Variants in PCDHGA2 observed in about 807,000 individuals in gnomAD.
PCDHGA2 encodes protocadherin gamma-A2.
A neutral mutation model predicts 59.2 loss-of-function variants in PCDHGA2; 40 were observed. The observed-to-expected ratio is 0.68, with a 90% CI of 0.52 to 0.88. PCDHGA2 has a LOEUF of 0.88. Ranked by LOEUF, PCDHGA2 falls within the 40% of genes least tolerant of loss-of-function variation. The pLI is 0.00. For missense variants in PCDHGA2, 1,226 were observed against 1,204.0 expected (o/e 1.02, Z -0.27); for synonymous variants, 560 against 526.0 (o/e 1.06, Z -0.89).
chr5:141,375,333 T>C, intron 1 of PCDHGA2: 1 of 1,613,828 alleles, frequency 6.2e-7, no homozygotes, highest in East Asian at 2.2e-5. Flanking sequence ...GAGGTATTCT[T>C]GTACAACATC....
At chr5:141,375,076 G>C in intron 1 of PCDHGA2, 1 of 1,614,010 alleles carries the variant, frequency 6.2e-7, no homozygotes, top group Non-Finnish European at 8.5e-7. Context: ...GAGACAGAGC[G>C]AAAGTCTTAA....
At chr5:141,404,387 C>G in intron 1 of PCDHGA2, 3 of 1,613,874 alleles carry the variant, frequency 1.9e-6, no homozygotes, top group Non-Finnish European at 2.5e-6. Context: ...TGCCTATGAC[C>G]CTGATAGCAA....
chr5:141,371,529 A>G lies in PCDHGA2; in HGVS notation c.2424+30134A>G, dbSNP rs200031435. The G allele has an allele frequency of 3.3e-4, 527 of 1,613,610 alleles. No homozygotes were observed. The highest frequency in any genetic ancestry group is 8.3e-4 in the Admixed American group (50 of 59,952). On this transcript the variant is annotated intron_variant, in intron 1 of 3. Transcript: ENST00000394576. ...AACACATGATCTAGATTCTGGATTTAATGGAGAAATCCTATGCCAACTAAA... is the reference window on the plus strand; with the variant it reads ...AACACATGATCTAGATTCTGGATTTGATGGAGAAATCCTATGCCAACTAAA...
At chr5:141,344,326 A>C in intron 1 of PCDHGA2, 1 of 1,614,046 alleles carries the variant, frequency 6.2e-7, no homozygotes, top group Non-Finnish European at 8.5e-7. Flanking sequence ...CTCTGCGCTC[A>C]GATCCCGCTG....
At chr5:141,375,758 G>A in intron 1 of PCDHGA2, 1 of 1,614,230 alleles carries the variant, frequency 6.2e-7, no homozygotes. Context: ...GAATGACAAT[G>A]CGCCCGAGAT....
intron 1 of PCDHGA2, chr5:141,475,983 C>A: frequency 9.5e-7 from 1 of 1,049,244 alleles, no homozygotes; most frequent in Non-Finnish European, 1.4e-6. Context: ...GAACAGCCGG[C>A]GAGCAAATCA....
rs1167979752 is a variant in PCDHGA2 at position 141,339,564 on chromosome 5, G to T, written c.593G>T (p.Arg198Leu). Reference protein sequence around the residue: ...GNKYPELVLERSLDREEEAVH... With the variant: ...GNKYPELVLELSLDREEEAVH... ...AAGTACCCAGAACTGGTGCTGGAGC[G>T]CTCTCTGGACCGCGAGGAAGAGGCT... is the stretch of plus-strand genomic sequence containing the variant. Residue 198 changes from arginine (R) to leucine (L), a missense_variant, in exon 1 of 4, where the codon CGC becomes CTC. Transcript: ENST00000394576. The T allele has an allele frequency of 2.4e-5, 39 of 1,614,054 alleles. No individual in the cohort carries two copies. The highest frequency in any genetic ancestry group is 3.1e-5 in the Non-Finnish European group (36 of 1,180,036).
chr5:141,355,826 A>G, intron 1 of PCDHGA2: 1 of 1,612,512 alleles, frequency 6.2e-7, no homozygotes, highest in Admixed American at 1.7e-5. Context: ...GCGGTTCACC[A>G]CCTCGTTCTC....
intron 1 of PCDHGA2, chr5:141,415,531 C>G (rs777787905): frequency 1.2e-6 from 2 of 1,614,030 alleles, no homozygotes; most frequent in Non-Finnish European, 1.7e-6. Context: ...GCTCATCAGC[C>G]AGGAGAGCTG....
At chr5:141,403,758 T>C (rs1022850868) in intron 1 of PCDHGA2, 18 of 1,613,804 alleles carry the variant, frequency 1.1e-5, no homozygotes, top group Non-Finnish European at 1.4e-5. Flanking sequence ...GCCAGCGACC[T>C]GGATGAGGGA....
intron 1 of PCDHGA2, chr5:141,374,260 G>T: frequency 1.2e-6 from 2 of 1,613,998 alleles, no homozygotes; most frequent in Non-Finnish European, 1.7e-6. Flanking sequence ...CCCAGGAGTT[G>T]GCGGAGCACG....
intron 1 of PCDHGA2, chr5:141,356,567 C>T (rs1421968549): frequency 6.2e-7 from 1 of 1,614,048 alleles, no homozygotes; most frequent in African/African-American, 1.3e-5. Context: ...CCTCATGCTT[C>T]CTACTCTGCT....
In PCDHGA2 at chr5:141,357,021, C is replaced by A. The variant is rs1285126199; in HGVS notation, c.2424+15626C>A. 1.9e-6 allele frequency: 3 copies of A among 1,614,146 alleles called. No homozygotes were observed. In the East Asian group the frequency reaches 6.7e-5, roughly 36 times the overall value. On this transcript the variant is annotated intron_variant, in intron 1 of 3. Transcript: ENST00000394576. ...GTCAGAATGCCTGGCTGTCCTACAG[C>A]CTACTCAAGTCCAGCGAGCCGGGAC...
chr5:141,465,688 G>C (rs1386213425), intron 1 of PCDHGA2, among the ~76,000 whole-genome samples: 1 of 152,086 alleles, frequency 6.6e-6, no homozygotes, highest in African/African-American at 2.4e-5. Context: ...TGACCAGTCT[G>C]CTTTTGCATT....
chr5:141,486,590 C>T lies in PCDHGA2; in HGVS notation c.2425-8217C>T, dbSNP rs781629297. On this transcript the variant is annotated intron_variant, in intron 1 of 3. Transcript: ENST00000394576. This position sits in a 1 kb window ranked among gnomAD's most constrained non-coding sequence, Gnocchi z 5.0. Reference sequence around the variant, plus strand: ...TCCTGAGAACAATCGCCCAGGGGACCTGCTTTGCTCCCTTGCAGCCTCTGA... The same window carrying T: ...TCCTGAGAACAATCGCCCAGGGGACTTGCTTTGCTCCCTTGCAGCCTCTGA... The T allele has an allele frequency of 6.2e-7, 1 of 1,613,640 alleles. No individual in the cohort carries two copies.
intron 1 of PCDHGA2, among the ~76,000 whole-genome samples, chr5:141,458,338 G>A (rs1160200932): frequency 2.6e-5 from 4 of 152,134 alleles, no homozygotes; most frequent in African/African-American, 9.7e-5. Context: ...GTTTTAAGGA[G>A]TGGAGAGTTT....
intron 1 of PCDHGA2, among the ~76,000 whole-genome samples, chr5:141,363,599 G>A (rs1470952718): frequency 1.3e-5 from 2 of 152,206 alleles, no homozygotes; most frequent in African/African-American, 2.4e-5. Context: ...CAACTCAAAC[G>A]CTGTCTGAGA....
chr5:141,421,357 T>A lies in PCDHGA2; in HGVS notation c.2425-73450T>A, dbSNP rs761522510. ...GGTGCCAGAAGAGACCGAAAAGGGC[T>A]CCTTCGTGGGCAATATCTCCAAGGA... On this transcript the variant is annotated intron_variant, in intron 1 of 3. Coordinates refer to ENST00000394576, the MANE Select transcript of PCDHGA2 (RefSeq NM_018915.4). 4.3e-6 allele frequency: 7 copies of A among 1,613,976 alleles called. 1 individual carries two copies. The South Asian group carries it at 7.7e-5, about 18-fold the overall frequency.
intron 1 of PCDHGA2, chr5:141,365,375 C>T (rs752434944): frequency 5.0e-6 from 8 of 1,613,824 alleles, no homozygotes; most frequent in African/African-American, 4.0e-5. Flanking sequence ...CGAAGTGATC[C>T]TCACCTCTCT....
Sources: allele counts gnomAD v4.1 joint callset (sites outside exome capture counted in the v4.1 genomes callset), GRCh38; gene constraint gnomAD v4.1.1; non-coding constraint Gnocchi (gnomAD v3.1); transcripts MANE v1.5; gene names NCBI Gene and HGNC (gene_info 2026-07-23, HGNC 2026-07-21).